The following ERC1 variants were observed in gnomAD, a reference collection of about 807,000 sequenced individuals.
ERC1 encodes the protein ELKS/RAB6-interacting/CAST family member 1.
Under a neutral mutation model 132.0 loss-of-function variants are expected in ERC1, and 56 were observed. The ratio of observed to expected loss-of-function variants is 0.42; its 90% CI spans 0.34 to 0.53. The LOEUF (loss-of-function observed/expected upper bound fraction) is 0.53, where lower values mean the gene tolerates loss of function less well. Among genes scored for constraint, ERC1 ranks in the 20% least tolerant of loss-of-function variants. The pLI is 0.03. For synonymous variants in ERC1, 478 were observed against 476.1 expected (o/e 1.00, Z -0.05); for missense variants, 1,202 against 1,349.9 (o/e 0.89, Z 1.72).
chr12:1,373,953 G>T (rs904950766), intron 16 of ERC1, among the ~76,000 whole-genome samples: 2 of 152,208 alleles, frequency 1.3e-5, no homozygotes, highest in Non-Finnish European at 2.9e-5. Flanking sequence ...GTTCTCAGGA[G>T]TCCTTCCTAC....
At chr12:1,356,889 A>G (rs1651150433) in intron 15 of ERC1, among the ~76,000 whole-genome samples, 1 of 152,198 alleles carries the variant, frequency 6.6e-6, no homozygotes. Context: ...CAACAGATTG[A>G]TAGCTGATGA....
At position 1,028,155 on chromosome 12, in the gene ERC1, A is replaced by C. The variant is rs762430802; in HGVS notation, c.252A>C (p.Thr84=). 6 of 1,614,140 alleles carry C rather than the reference A, an allele frequency of 3.7e-6. No homozygotes were observed. Among genetic ancestry groups the C allele is most frequent in the Non-Finnish European group, 5.1e-6 (6 of 1,180,030 alleles). ...ACCATGAAAATGTGGGTTCAGAAAC[A>C]CCTAAAAGCACCATGACACTTGGCC... ...LSDHENVGSE[T]PKSTMTLGRS... is the part of the protein sequence containing the mutation. The change falls in exon 2 of 19, where the codon ACA becomes ACC. Residue 84 remains threonine (T), a synonymous_variant. Transcript: ENST00000360905.
At chr12:1,167,717 CTT>C (rs755716154) in intron 8 of ERC1, among the ~76,000 whole-genome samples, 85 of 136,392 alleles carry the variant, frequency 6.2e-4, no homozygotes, top group African/African-American at 2.1e-3. Context: ...TTTTTCTTTT[CTT>C]TTTTTTTTTT....
Position 1,385,484 on chromosome 12 carries a change from C to T in ERC1, c.2925+13507C>T, listed in dbSNP as rs149035073. 1.4e-4 allele frequency among the ~76,000 whole-genome samples: 21 copies of T among 152,286 alleles called. No homozygotes were observed. The East Asian group carries it at 4.1e-3, about 29-fold the overall frequency. The stretch of plus-strand genomic sequence containing the variant: ...ATTTTTAGTAGAGACGGGGGTTTCA[C>T]CGTGTTAGCCAGGATGGTCTCGATC... On this transcript the variant is annotated intron_variant, in intron 16 of 18. Coordinates refer to ENST00000360905, the MANE Select transcript of ERC1 (RefSeq NM_178040.4).
intron 18 of ERC1, among the ~76,000 whole-genome samples, chr12:1,488,019 T>C (rs1183965135): frequency 6.6e-6 from 1 of 151,210 alleles, no homozygotes; most frequent in Admixed American, 6.6e-5. Flanking sequence ...GCGCCTGTAG[T>C]CCCAGGTACT....
chr12:1,309,663 A>T (rs1260366529), intron 15 of ERC1, among the ~76,000 whole-genome samples: 1 of 150,790 alleles, frequency 6.6e-6, no homozygotes, highest in Non-Finnish European at 1.5e-5. Context: ...AGACACACAC[A>T]TAGTGAAATA....
At chr12:1,167,458 T>C in intron 8 of ERC1, among the ~76,000 whole-genome samples, 1 of 152,226 alleles carries the variant, frequency 6.6e-6, no homozygotes, top group East Asian at 1.9e-4. Context: ...TAAATCAGAC[T>C]CTGATGAAGC....
chr12:1,076,297 A>C (rs1382311640), intron 2 of ERC1, among the ~76,000 whole-genome samples: 5 of 152,114 alleles, frequency 3.3e-5, no homozygotes, highest in Non-Finnish European at 2.9e-5. Flanking sequence ...TAGAGCATAT[A>C]ATTAACATTT....
chr12:1,080,806 G>T (rs1046111065), intron 2 of ERC1, among the ~76,000 whole-genome samples: 2 of 152,048 alleles, frequency 1.3e-5, no homozygotes, highest in African/African-American at 2.4e-5. Context: ...GCCTCATACC[G>T]TGATTCTGAG....
At chr12:1,077,809 G>C (rs1345949468) in intron 2 of ERC1, among the ~76,000 whole-genome samples, 1 of 152,192 alleles carries the variant, frequency 6.6e-6, no homozygotes, top group African/African-American at 2.4e-5. Flanking sequence ...ATATGCTGGA[G>C]AAAGAGTAGC....
intron 1 of ERC1, among the ~76,000 whole-genome samples, chr12:1,021,650 G>A (rs761259640): frequency 2.0e-5 from 3 of 149,496 alleles, no homozygotes; most frequent in African/African-American, 7.4e-5. Flanking sequence ...AGTGAGCCCA[G>A]ATCGCACCAC....
intron 16 of ERC1, among the ~76,000 whole-genome samples, chr12:1,399,213 A>G (rs2090814280): frequency 6.6e-6 from 1 of 151,880 alleles, no homozygotes; most frequent in Non-Finnish European, 1.5e-5. Context: ...CAGCATTCCA[A>G]AGTGCTGGGA....
intron 12 of ERC1, among the ~76,000 whole-genome samples, chr12:1,215,376 T>G (rs551743331): frequency 7.2e-4 from 110 of 152,286 alleles, no homozygotes; most frequent in African/African-American, 2.5e-3. Flanking sequence ...ACAAAACAAC[T>G]TGGACAATAG....
rs1397447550 is a variant in ERC1, at chr12:1,494,550, A to C, written c.*4320A>C. On this transcript the variant is annotated 3_prime_UTR_variant, in exon 19 of 19. Transcript: ENST00000360905. ...AACCGTCTCCAGACTTTTTAGTGTCAAAAATGTAACCAACTGTCTCCTGAT... is the reference window on the plus strand; with the variant it reads ...AACCGTCTCCAGACTTTTTAGTGTCCAAAATGTAACCAACTGTCTCCTGAT... The C allele has an allele frequency of 8.7e-6, 2 of 231,124 alleles. No homozygotes were observed. The highest frequency in any genetic ancestry group is 4.4e-5 in the African/African-American group (2 of 45,228). The allele number at this position is 231,124 out of a possible 1,614,324, so 14.3% of individuals were successfully genotyped here. A position where few individuals can be genotyped will look rare whatever the true frequency, so the allele number is the denominator to read the frequency against.
At chr12:1,322,171 AC>A (rs1331090014) in intron 15 of ERC1, among the ~76,000 whole-genome samples, 8 of 142,156 alleles carry the variant, frequency 5.6e-5, no homozygotes, top group Non-Finnish European at 1.3e-4. Context: ...GTCTTTTTGA[AC>A]CAAGTTTTAT....
chr12:1,223,325 G>A (rs1025917954), intron 12 of ERC1, among the ~76,000 whole-genome samples: 1 of 152,228 alleles, frequency 6.6e-6, no homozygotes, highest in Non-Finnish European at 1.5e-5. Flanking sequence ...CAGAGGCTTA[G>A]AGCAGCAATA....
intron 12 of ERC1, among the ~76,000 whole-genome samples, chr12:1,234,496 A>C (rs1352717486): frequency 6.6e-6 from 1 of 152,212 alleles, no homozygotes; most frequent in East Asian, 1.9e-4. Context: ...TTTTTCCCAA[A>C]CTGACATTGC....
At chr12:1,219,635 C>CTTTTTTT (rs775838825) in intron 12 of ERC1, among the ~76,000 whole-genome samples, 4,753 of 140,556 alleles carry the variant, frequency 0.034, 181 homozygotes, top group Middle Eastern at 0.07. Flanking sequence ...ACTGAACTCT[C>CTTTTTTT]TTTTTTTTTT....
intron 11 of ERC1, among the ~76,000 whole-genome samples, chr12:1,189,153 T>A (rs1056576063): frequency 6.6e-6 from 1 of 152,174 alleles, no homozygotes; most frequent in East Asian, 1.9e-4. Flanking sequence ...CTGCAAGCAG[T>A]CCCCCTGCTT....
Sources: gnomAD v4.1 joint callset for allele counts (sites outside exome capture counted in the v4.1 genomes callset) on GRCh38, gnomAD v4.1.1 for gene constraint, MANE v1.5 for transcripts, NCBI Gene and HGNC (gene_info 2026-07-23, HGNC 2026-07-21) for gene names.